Variants in LRRC7 observed in about 807,000 individuals in gnomAD.
LRRC7 encodes leucine rich repeat containing 7, also known as leucine-rich repeat-containing protein 7.
Under a neutral mutation model 175.7 loss-of-function variants are expected in LRRC7, and 23 were observed. That is an observed-to-expected ratio of 0.13 (90% CI 0.09 to 0.19). The LOEUF (loss-of-function observed/expected upper bound fraction) is 0.19. LRRC7 is among the 10% of genes least tolerant of loss of function. The pLI is 1.00. For synonymous variants in LRRC7, 685 were observed against 680.9 expected (o/e 1.01, Z -0.09); for missense variants, 1,354 against 1,904.7 (o/e 0.71, Z 5.38).
Position 70,135,100 on chromosome 1 carries a change from G to A in LRRC7, c.*13213G>A, listed in dbSNP as rs972881347. ...GTTTGTATGTATGTATTCCAGTTGC[G>A]CTTTTTATTTCTTTTTTCCTTTCTT... On this transcript the variant is annotated 3_prime_UTR_variant, in exon 27 of 27. Transcript: ENST00000651989. 5.9e-5 allele frequency among the ~76,000 whole-genome samples: 9 copies of A among 152,112 alleles called. No individual in the cohort carries two copies. Among genetic ancestry groups the A allele is most frequent in the Admixed American group, 2.0e-4 (3 of 15,260 alleles).
At chr1:69,666,213 G>T (rs1658243130) in intron 1 of LRRC7, among the ~76,000 whole-genome samples, 1 of 152,044 alleles carries the variant, frequency 6.6e-6, no homozygotes, top group South Asian at 2.1e-4. Flanking sequence ...ATGTATAGTT[G>T]AATTTGGTTC....
At chr1:69,615,464 A>G (rs1649462706) in intron 1 of LRRC7, among the ~76,000 whole-genome samples, 1 of 152,018 alleles carries the variant, frequency 6.6e-6, no homozygotes. Flanking sequence ...GAGGGAAAAA[A>G]AGCATAATAA....
At position 69,907,239 on chromosome 1, in the gene LRRC7, G is replaced by A. The variant is rs188000353; in HGVS notation, c.648-24268G>A. Among the ~76,000 whole-genome samples, 1,101 of 152,152 alleles carry A rather than the reference G, an allele frequency of 7.2e-3. 15 individuals carry two copies. Among genetic ancestry groups the A allele is most frequent in the African/African-American group, 0.025 (1,046 of 41,486 alleles). On this transcript the variant is annotated intron_variant, in intron 7 of 26. Coordinates refer to ENST00000651989, the MANE Select transcript of LRRC7 (RefSeq NM_001370785.2). ...AATTTGACTTCCTCTTTTCCTAATCGAATACCCTTTATTTCCTTCTCCTGC... is the reference window on the plus strand; with the variant it reads ...AATTTGACTTCCTCTTTTCCTAATCAAATACCCTTTATTTCCTTCTCCTGC...
At chr1:69,576,005 G>A (rs554011155) in intron 1 of LRRC7, among the ~76,000 whole-genome samples, 3 of 152,038 alleles carry the variant, frequency 2.0e-5, no homozygotes, top group East Asian at 3.9e-4. Context: ...GTTGAGGTGG[G>A]GTGATTGTTT....
rs550799118 is a variant in LRRC7 at position 70,082,871 on chromosome 1, C to T, written c.4452+6573C>T. ...AGTGGAGCAATCTCACCACAGTCTC[C>T]GCCTCCTGGATTCAAGCAATTCTCC... On this transcript the variant is annotated intron_variant, in intron 24 of 26. Transcript: ENST00000651989. 2.7e-4 allele frequency among the ~76,000 whole-genome samples: 38 copies of T among 139,670 alleles called. No homozygotes were observed. The South Asian group carries it at 5.5e-3, about 20-fold the overall frequency. 91.6% of individuals were successfully genotyped at this position (139,670 alleles called of 152,430 possible).
At chr1:69,934,739 G>C (rs1369734801) in intron 8 of LRRC7, among the ~76,000 whole-genome samples, 1 of 151,984 alleles carries the variant, frequency 6.6e-6, no homozygotes, top group East Asian at 1.9e-4. Flanking sequence ...GGTCAGAGAT[G>C]GAACACTATT....
At chr1:69,907,170 T>C (rs1435258364) in intron 7 of LRRC7, among the ~76,000 whole-genome samples, 3 of 152,138 alleles carry the variant, frequency 2.0e-5, no homozygotes, top group South Asian at 2.1e-4. Flanking sequence ...GCTGAGACAA[T>C]GGGGTTTTCT....
At chr1:69,832,791 A>G (rs1366031530) in intron 5 of LRRC7, among the ~76,000 whole-genome samples, 3 of 152,132 alleles carry the variant, frequency 2.0e-5, no homozygotes, top group Non-Finnish European at 4.4e-5. Context: ...CAATATTTAT[A>G]ATAGCAAAAT....
rs1667043333 is a variant in LRRC7 at position 70,141,058 on chromosome 1, GA to G, written c.*19172del. 6.6e-6 allele frequency among the ~76,000 whole-genome samples: 1 copy of G among 152,062 alleles called. No homozygotes were observed. The highest frequency in any genetic ancestry group is 2.4e-5 in the African/African-American group (1 of 41,428). ...ACACTCAAGCAGATTTTCCTCTAATGAGTAGTTAAGTGGCACAGGAGGAGAG... is the reference window on the plus strand; with the variant it reads ...ACACTCAAGCAGATTTTCCTCTAATGGTAGTTAAGTGGCACAGGAGGAGAG... On this transcript the variant is annotated 3_prime_UTR_variant, in exon 27 of 27. Transcript: ENST00000651989.
At chr1:69,882,905 T>A (rs984518070) in intron 7 of LRRC7, among the ~76,000 whole-genome samples, 1 of 151,420 alleles carries the variant, frequency 6.6e-6, no homozygotes, top group African/African-American at 2.4e-5. Flanking sequence ...AGAATGATGA[T>A]TTCCAATTTC....
At chr1:70,068,759 T>C (rs1662162163) in intron 23 of LRRC7, among the ~76,000 whole-genome samples, 1 of 152,154 alleles carries the variant, frequency 6.6e-6, no homozygotes, top group Non-Finnish European at 1.5e-5. Flanking sequence ...TTCTGTTGCC[T>C]AGGCAGGATT....
At chr1:69,825,961 A>T (rs951588422) in intron 5 of LRRC7, 135 bp downstream of exon 5, 1 of 510,974 alleles carries the variant, frequency 2.0e-6, no homozygotes, top group Non-Finnish European at 3.3e-6. Context: ...TGATGGGAAA[A>T]ATTAATCAGA....
intron 11 of LRRC7, among the ~76,000 whole-genome samples, chr1:70,002,737 A>G (rs563509707): frequency 3.3e-5 from 5 of 152,254 alleles, no homozygotes; most frequent in African/African-American, 9.6e-5. Context: ...GTAAAATGGA[A>G]ATAATAATAA....
intron 1 of LRRC7, among the ~76,000 whole-genome samples, chr1:69,615,804 A>G (rs1649514297): frequency 6.6e-6 from 1 of 152,034 alleles, no homozygotes; most frequent in Non-Finnish European, 1.5e-5. Flanking sequence ...ATAATTAAAG[A>G]TTAAAAAATG....
In LRRC7 at chr1:70,039,724, C is replaced by T. The variant is rs952922383; in HGVS notation, c.3900C>T (p.Ser1300=). The change falls in exon 21 of 27, where the codon AGC becomes AGT. Residue 1300 remains serine (S), a synonymous_variant. Transcript: ENST00000651989. ...TRPTPVKGEE[S]CGKMPADWRQ... ...CTACTCCTGTGAAGGGAGAGGAGAG[C>T]TGTGGTAAAATGCCTGCAGACTGGA... is the stretch of plus-strand genomic sequence containing the variant. The T allele has an allele frequency of 6.2e-7, 1 of 1,613,724 alleles. No individual in the cohort carries two copies. The highest frequency in any genetic ancestry group is 8.5e-7 in the Non-Finnish European group (1 of 1,179,832).
At chr1:69,875,005 C>T (rs956441652) in intron 7 of LRRC7, 1 of 152,034 alleles carries the variant, frequency 6.6e-6, no homozygotes, top group Admixed American at 6.6e-5. Context: ...AAATTCCTGA[C>T]ATTGCTGTAG....
intron 25 of LRRC7, among the ~76,000 whole-genome samples, chr1:70,105,919 G>A (rs1665113089): frequency 6.6e-6 from 1 of 151,972 alleles, no homozygotes; most frequent in Non-Finnish European, 1.5e-5. Flanking sequence ...GTCTTAATAG[G>A]TTTCATAAAC....
chr1:69,708,201 A>G (rs116548928), intron 2 of LRRC7, among the ~76,000 whole-genome samples: 2,566 of 152,264 alleles, frequency 0.017, 68 homozygotes, highest in African/African-American at 0.057. Flanking sequence ...TGTGTTTGCT[A>G]TATATATAAG....
At chr1:69,820,681 G>T (rs1297715514) in intron 4 of LRRC7, among the ~76,000 whole-genome samples, 4 of 152,112 alleles carry the variant, frequency 2.6e-5, no homozygotes, top group Non-Finnish European at 5.9e-5. Flanking sequence ...TCCCTGCAAA[G>T]GACATGAACT....
Sources: allele counts gnomAD v4.1 joint callset (sites outside exome capture counted in the v4.1 genomes callset), GRCh38; gene constraint gnomAD v4.1.1; transcripts MANE v1.5; gene names NCBI Gene and HGNC (gene_info 2026-07-23, HGNC 2026-07-21).